CEP128: variants seen among roughly 807,000 people sequenced by gnomAD.
CEP128 encodes centrosomal protein 128kDa.
CEP128 carries 132 observed loss-of-function variants against 156.7 expected under a neutral mutation model. The ratio of observed to expected loss-of-function variants is 0.84; its 90% CI spans 0.73 to 0.97. The LOEUF is 0.97. Ranked by LOEUF, CEP128 falls within the 50% of genes least tolerant of loss-of-function variation. CEP128 has a pLI of 0.00. For missense variants in CEP128, 1,252 were observed against 1,281.9 expected, an observed-to-expected ratio of 0.98 and a Z score of 0.36; for synonymous variants, 469 against 448.9, an observed-to-expected ratio of 1.04 and a Z score of -0.57.
At chr14:80,615,917 C>A (rs1405614864) in intron 19 of CEP128, among the ~76,000 whole-genome samples, 1 of 151,992 alleles carries the variant, frequency 6.6e-6, no homozygotes, top group South Asian at 2.1e-4. Context: ...GAAAGGCCCA[C>A]CAGTGTACAA....
At chr14:80,602,836 C>T (rs1327825262) in intron 19 of CEP128, among the ~76,000 whole-genome samples, 1 of 151,844 alleles carries the variant, frequency 6.6e-6, no homozygotes, top group African/African-American at 2.4e-5. Flanking sequence ...GTCCTCAACA[C>T]AACAAAATGA....
intron 2 of CEP128, among the ~76,000 whole-genome samples, chr14:80,947,538 AT>A (rs1223448858): frequency 6.6e-6 from 1 of 152,214 alleles, no homozygotes; most frequent in Non-Finnish European, 1.5e-5. Context: ...ACAACACAGC[AT>A]TAAACTAAGC....
intron 21 of CEP128, among the ~76,000 whole-genome samples, chr14:80,536,469 C>G (rs1191908854): frequency 2.0e-5 from 3 of 152,096 alleles, no homozygotes; most frequent in Non-Finnish European, 4.4e-5. Flanking sequence ...ATAAATAAGG[C>G]TATGAAGCAG....
At chr14:80,931,964 G>A (rs547416498) in intron 2 of CEP128, among the ~76,000 whole-genome samples, 5 of 152,266 alleles carry the variant, frequency 3.3e-5, no homozygotes, top group Admixed American at 6.5e-5. Flanking sequence ...TGTAGTTCTC[G>A]TAATCCCCAT....
chr14:80,828,193 G>A (rs1287053897), intron 13 of CEP128, among the ~76,000 whole-genome samples: 3 of 144,702 alleles, frequency 2.1e-5, no homozygotes, highest in African/African-American at 8.0e-5. Flanking sequence ...GTGCGATCTC[G>A]GCTCACTGCA....
At chr14:80,538,794 C>T (rs1889605964) in intron 21 of CEP128, among the ~76,000 whole-genome samples, 1 of 152,150 alleles carries the variant, frequency 6.6e-6, no homozygotes, top group African/African-American at 2.4e-5. Context: ...CGTATGTCAG[C>T]TTAGTCATCA....
chr14:80,736,821 G>A (rs1273502516), intron 19 of CEP128, among the ~76,000 whole-genome samples: 6 of 152,120 alleles, frequency 3.9e-5, no homozygotes, highest in South Asian at 2.1e-4. Context: ...TGTTGATTTC[G>A]CATTCAATCA....
At chr14:80,851,022 CT>C (rs1288246641) in intron 9 of CEP128, among the ~76,000 whole-genome samples, 1 of 152,084 alleles carries the variant, frequency 6.6e-6, no homozygotes, top group Non-Finnish European at 1.5e-5. Flanking sequence ...CTTTTACTTT[CT>C]GTCTTCAGGA....
chr14:80,748,302 G>C (rs1240103911), intron 18 of CEP128, among the ~76,000 whole-genome samples: 9 of 152,046 alleles, frequency 5.9e-5, no homozygotes, highest in Non-Finnish European at 1.3e-4. Flanking sequence ...AGCTTCCATA[G>C]GACAGAAATC....
At chr14:80,877,064 G>A (rs1208753224) in intron 8 of CEP128, among the ~76,000 whole-genome samples, 4 of 152,130 alleles carry the variant, frequency 2.6e-5, no homozygotes, top group Non-Finnish European at 4.4e-5. Context: ...GAGTTGAGGT[G>A]CTATAAGATC....
At chr14:80,536,717 G>T (rs769042296) in intron 21 of CEP128, among the ~76,000 whole-genome samples, 2 of 152,144 alleles carry the variant, frequency 1.3e-5, no homozygotes, top group African/African-American at 4.8e-5. Flanking sequence ...ACACTCACTG[G>T]AACCACACCA....
intron 13 of CEP128, among the ~76,000 whole-genome samples, chr14:80,807,028 A>G (rs1340841937): frequency 6.6e-6 from 1 of 152,322 alleles, no homozygotes; most frequent in East Asian, 1.9e-4. Context: ...AGCTATATAG[A>G]TGAGAGACCT....
exon 15 of CEP128, chr14:80,478,058 C>T (rs1886976809): frequency 6.6e-6 from 1 of 152,156 alleles, no homozygotes; most frequent in Non-Finnish European, 1.5e-5. Context: ...CTGACACCCA[C>T]AGTTTTTTCC....
At chr14:80,487,901 G>C (rs1453970255), downstream of CEP128, among the ~76,000 whole-genome samples, 2 of 151,418 alleles carry the variant, frequency 1.3e-5, no homozygotes, top group Admixed American at 6.6e-5. Context: ...ATTTATAGCA[G>C]TAAATGCCCA....
intron 19 of CEP128, among the ~76,000 whole-genome samples, chr14:80,616,824 C>G: frequency 6.6e-6 from 1 of 151,660 alleles, no homozygotes; most frequent in Admixed American, 6.5e-5. Context: ...AATAGCAGAG[C>G]TATAAGGACA....
At chr14:80,952,295 CAA>C (rs1385564458) in intron 2 of CEP128, among the ~76,000 whole-genome samples, 2 of 151,806 alleles carry the variant, frequency 1.3e-5, no homozygotes, top group Non-Finnish European at 2.9e-5. Context: ...TAAAAGTGTT[CAA>C]GTTATACAAA....
chr14:80,888,187 T>A (rs1358501390), intron 8 of CEP128, among the ~76,000 whole-genome samples: 5 of 152,184 alleles, frequency 3.3e-5, no homozygotes, highest in African/African-American at 1.2e-4. Context: ...TACAGTCGAA[T>A]TCTACCAGAG....
intron 19 of CEP128, among the ~76,000 whole-genome samples, chr14:80,679,567 C>A (rs765377473): frequency 6.6e-6 from 1 of 152,146 alleles, no homozygotes; most frequent in African/African-American, 2.4e-5. Context: ...TGGCTCTCTG[C>A]TCTCAAACCC....
chr14:80,485,126 T>A (rs1887134485), intron 14 of CEP128, among the ~76,000 whole-genome samples: 1 of 152,126 alleles, frequency 6.6e-6, no homozygotes, highest in Admixed American at 6.5e-5. Flanking sequence ...TCAGCCCATA[T>A]CCAGTAATGG....
Sources: allele counts gnomAD v4.1 joint callset (sites outside exome capture counted in the v4.1 genomes callset), GRCh38; gene constraint gnomAD v4.1.1; transcripts MANE v1.5; gene names NCBI Gene and HGNC (gene_info 2026-07-23, HGNC 2026-07-21).